UNC5D: variants seen among roughly 807,000 people sequenced by gnomAD.
UNC5D encodes the protein netrin receptor UNC5D.
In UNC5D, 39 loss-of-function variants were observed where a neutral mutation model predicts 105.4. The ratio of observed to expected loss-of-function variants is 0.37; its 90% CI spans 0.29 to 0.48. The LOEUF (loss-of-function observed/expected upper bound fraction) is 0.48, where lower values mean the gene tolerates loss of function less well. Ranked by LOEUF, UNC5D falls within the 20% of genes least tolerant of loss-of-function variation. The pLI is 0.98. For synonymous variants in UNC5D, 452 were observed against 450.4 expected (o/e 1.00, Z -0.04); for missense variants, 991 against 1,202.4 (o/e 0.82, Z 2.60).
At chr8:35,239,942 C>A (rs913061970) in intron 1 of UNC5D, among the ~76,000 whole-genome samples, 3 of 141,826 alleles carry the variant, frequency 2.1e-5, no homozygotes, top group African/African-American at 7.8e-5. Flanking sequence ...CTTTTCTTTT[C>A]TTTTCTTTTT....
intron 1 of UNC5D, among the ~76,000 whole-genome samples, chr8:35,469,487 T>C (rs1345992158): frequency 1.3e-5 from 2 of 152,190 alleles, no homozygotes; most frequent in Non-Finnish European, 2.9e-5. Context: ...ACAGCCCATA[T>C]TGAGTGTCTA....
chr8:35,602,890 C>T (rs1403841377), intron 4 of UNC5D, among the ~76,000 whole-genome samples: 2 of 116,836 alleles, frequency 1.7e-5, no homozygotes, highest in South Asian at 2.7e-4. Flanking sequence ...CACCCCACAA[C>T]AGTCCCCAGA....
chr8:35,643,030 C>T (rs73575912), intron 4 of UNC5D, among the ~76,000 whole-genome samples: 6,674 of 152,178 alleles, frequency 0.044, 552 homozygotes, highest in African/African-American at 0.15. Flanking sequence ...CTTCTGGTCA[C>T]CCTGCTGTTT....
intron 1 of UNC5D, among the ~76,000 whole-genome samples, chr8:35,463,696 G>A (rs1286202893): frequency 1.3e-5 from 2 of 151,210 alleles, no homozygotes; most frequent in South Asian, 2.1e-4. Context: ...TGAGGTATTC[G>A]GATCACTTGA....
chr8:35,512,486 A>G lies in UNC5D; in HGVS notation c.104-36806A>G, dbSNP rs866012476. On this transcript the variant is annotated intron_variant, in intron 1 of 16. Transcript: ENST00000404895. ...GAGCCATATATATATATATATATATATATATATATATATATATATATATCT... is the reference window on the plus strand; with the variant it reads ...GAGCCATATATATATATATATATATGTATATATATATATATATATATATCT... Among the ~76,000 whole-genome samples, 26 of 113,926 alleles carry G rather than the reference A, an allele frequency of 2.3e-4. 1 individual carries two copies. Among genetic ancestry groups the G allele is most frequent in the Admixed American group, 2.1e-3 (24 of 11,338 alleles). The allele number at this position is 113,926 out of a possible 152,430, so 74.7% of individuals were successfully genotyped here.
At chr8:35,708,002 A>G (rs79101690) in intron 8 of UNC5D, among the ~76,000 whole-genome samples, 45 of 152,346 alleles carry the variant, frequency 3.0e-4, no homozygotes, top group African/African-American at 1.1e-3. Context: ...TTAGGAGTGC[A>G]TTATAGAAAT....
At chr8:35,407,105 ATACT>A (rs1804855451) in intron 1 of UNC5D, among the ~76,000 whole-genome samples, 3 of 152,128 alleles carry the variant, frequency 2.0e-5, no homozygotes, top group Non-Finnish European at 2.9e-5. Flanking sequence ...ATATACACAA[ATACT>A]TACCATTGTG....
chr8:35,373,974 C>T (rs1351155345), intron 1 of UNC5D, among the ~76,000 whole-genome samples: 2 of 151,988 alleles, frequency 1.3e-5, no homozygotes, highest in East Asian at 3.9e-4. Context: ...GAAGGGAGCG[C>T]AAGGGAGTGA....
At chr8:35,474,044 C>A (rs2129874858) in intron 1 of UNC5D, among the ~76,000 whole-genome samples, 2 of 152,242 alleles carry the variant, frequency 1.3e-5, no homozygotes, top group South Asian at 4.2e-4. Context: ...ACCCCAACAC[C>A]TCCCATTAAG....
At chr8:35,527,804 T>A (rs1297565108) in intron 1 of UNC5D, among the ~76,000 whole-genome samples, 3 of 152,084 alleles carry the variant, frequency 2.0e-5, no homozygotes, top group East Asian at 3.9e-4. Context: ...TGTACTGGGA[T>A]TACAGGCGTG....
intron 4 of UNC5D, among the ~76,000 whole-genome samples, chr8:35,641,383 A>T (rs1457348843): frequency 6.6e-6 from 1 of 150,564 alleles, no homozygotes; most frequent in Non-Finnish European, 1.5e-5. Context: ...AAAAAAAAAA[A>T]AAGAAAAAAA....
chr8:35,762,196 G>T (rs13439622), intron 14 of UNC5D, among the ~76,000 whole-genome samples: 4 of 152,034 alleles, frequency 2.6e-5, no homozygotes, highest in African/African-American at 9.7e-5. Flanking sequence ...AGCTAGGGAG[G>T]TACCCAGTGC....
chr8:35,299,818 C>T (rs1418385932), intron 1 of UNC5D, among the ~76,000 whole-genome samples: 1 of 152,122 alleles, frequency 6.6e-6, no homozygotes, highest in Non-Finnish European at 1.5e-5. Flanking sequence ...TGCAGCTACA[C>T]AGTGGAGTAC....
In UNC5D at chr8:35,794,270, G is replaced by A. The variant is rs1586658350; in HGVS notation, c.*3707G>A. ...CAGATGTATTGAAGGCAAAGTTCTC[G>A]CAGAGGTCTCTGTTCCAGCTCTGTA... On this transcript the variant is annotated 3_prime_UTR_variant, in exon 17 of 17. Transcript: ENST00000404895. The A allele has an allele frequency of 1.3e-5, 2 of 152,094 alleles. No individual in the cohort carries two copies. The highest frequency in any genetic ancestry group is 1.3e-4 in the Admixed American group (2 of 15,268). The allele number at this position is 152,094 out of a possible 1,614,324, so 9.4% of individuals were successfully genotyped here. A position where few individuals can be genotyped will look rare whatever the true frequency, so the allele number is the denominator to read the frequency against.
chr8:35,246,689 A>C (rs1054877919), intron 1 of UNC5D, among the ~76,000 whole-genome samples: 3 of 152,138 alleles, frequency 2.0e-5, no homozygotes, highest in African/African-American at 7.2e-5. Context: ...AAAACTCACA[A>C]GATATGGCAC....
chr8:35,240,612 G>T (rs552910689), intron 1 of UNC5D, among the ~76,000 whole-genome samples: 3 of 152,112 alleles, frequency 2.0e-5, no homozygotes, highest in Non-Finnish European at 4.4e-5. Context: ...CTTGCCCAAG[G>T]CCATGGAGTT....
intron 1 of UNC5D, among the ~76,000 whole-genome samples, chr8:35,300,753 G>C (rs2950907): frequency 0.82 from 124,696 of 152,080 alleles, 51,580 homozygotes; most frequent in East Asian, 1. Flanking sequence ...ATTAGTAATT[G>C]TGAAGTTACT....
chr8:35,235,825 C>G lies in UNC5D; in HGVS notation c.41C>G (p.Ala14Gly). Residue 14 changes from alanine (A) to glycine (G), a missense_variant, in exon 1 of 17, where the codon GCG (alanine) becomes GGG (glycine). By Grantham distance (60) the Ala-to-Gly change is moderately conservative. Transcript: ENST00000404895. ...GCCACCGCAGGCGGCGGCGGAGGGGCGCGCCGCTGGCTCCCGTGGCTGGGG... is the reference window on the plus strand; with the variant it reads ...GCCACCGCAGGCGGCGGCGGAGGGGGGCGCCGCTGGCTCCCGTGGCTGGGG... ...AAATAGGGGG[A>G]RRWLPWLGLC... 8.1e-7 allele frequency: 1 copy of G among 1,230,174 alleles called. No homozygotes were observed. 76.2% of individuals were successfully genotyped at this position (1,230,174 alleles called of 1,614,324 possible).
chr8:35,630,782 G>A lies in UNC5D; in HGVS notation c.570+35125G>A, dbSNP rs551895661. 7.0e-4 allele frequency among the ~76,000 whole-genome samples: 107 copies of A among 152,248 alleles called. 1 individual carries two copies. The highest frequency in any genetic ancestry group is 6.8e-3 in the Middle Eastern group (2 of 294). On this transcript the variant is annotated intron_variant, in intron 4 of 16. Transcript: ENST00000404895. Reference sequence around the variant, plus strand: ...TACCAAAGTTATTAATTCAGAGCCAGAATAATGTACTGGGGTGGGGGGGAA... The same window carrying A: ...TACCAAAGTTATTAATTCAGAGCCAAAATAATGTACTGGGGTGGGGGGGAA...
Sources: gnomAD v4.1 joint callset for allele counts (sites outside exome capture counted in the v4.1 genomes callset) on GRCh38, gnomAD v4.1.1 for gene constraint, MANE v1.5 for transcripts, NCBI Gene and HGNC (gene_info 2026-07-23, HGNC 2026-07-21) for gene names.